Variants in PRDM1 observed in about 807,000 individuals in gnomAD.
The protein encoded by PRDM1 is PR domain zinc finger protein 1.
Under a neutral mutation model 62.8 loss-of-function variants are expected in PRDM1, and 13 were observed. That is an observed-to-expected ratio of 0.21 (90% CI 0.13 to 0.33). The LOEUF (loss-of-function observed/expected upper bound fraction) is 0.33, where lower values mean the gene tolerates loss of function less well. Ranked by LOEUF, PRDM1 falls within the 10% of genes least tolerant of loss-of-function variation. The pLI, the probability that PRDM1 is intolerant of heterozygous loss-of-function variation, is 1.00. For missense variants in PRDM1, 895 were observed against 1,058.8 expected (o/e 0.85, Z 2.15); for synonymous variants, 396 against 417.6 (o/e 0.95, Z 0.63).
intron 1 of PRDM1, among the ~76,000 whole-genome samples, chr6:106,030,531 A>G (rs1008672544): frequency 1.3e-5 from 2 of 151,808 alleles, no homozygotes; most frequent in Middle Eastern, 3.4e-3. Context: ...AGGGAGTCTA[A>G]TGTATTATTC....
At chr6:106,055,361 T>C (rs1426368956) in intron 1 of PRDM1, among the ~76,000 whole-genome samples, 2 of 152,224 alleles carry the variant, frequency 1.3e-5, no homozygotes, top group African/African-American at 4.8e-5. Context: ...TCTTGCATTA[T>C]TATATACATG....
intron 1 of PRDM1, among the ~76,000 whole-genome samples, chr6:106,030,613 G>A (rs552498661): frequency 1.3e-5 from 2 of 152,234 alleles, no homozygotes; most frequent in South Asian, 4.1e-4. Flanking sequence ...CTGAGTCCAA[G>A]GTTGTAAATA....
intron 1 of PRDM1, among the ~76,000 whole-genome samples, chr6:106,079,988 G>A (rs561071635): frequency 1.6e-4 from 24 of 152,312 alleles, no homozygotes; most frequent in Non-Finnish European, 3.2e-4. Context: ...AGATTGAATT[G>A]CAAAGATGAT....
chr6:106,047,401 C>T (rs1005937082), upstream of PRDM1, among the ~76,000 whole-genome samples: 6 of 152,168 alleles, frequency 3.9e-5, no homozygotes, highest in African/African-American at 1.4e-4. Flanking sequence ...TGGGGTAGGT[C>T]TTTGATGGAA....
chr6:106,040,541 G>A (rs2114574907), intron 1 of PRDM1, among the ~76,000 whole-genome samples: 1 of 152,328 alleles, frequency 6.6e-6, no homozygotes, highest in East Asian at 1.9e-4. Context: ...GGCAGCAGCA[G>A]CCGTCTGCAG....
chr6:106,054,673 C>T lies in PRDM1; in HGVS notation c.-67+5959C>T, dbSNP rs1773235049. ...GCTTTAAGAAGATAAGGACCATGTGCATTTTACTTCTTCAGGTAGAACTAA... is the reference window on the plus strand; with the variant it reads ...GCTTTAAGAAGATAAGGACCATGTGTATTTTACTTCTTCAGGTAGAACTAA... On this transcript the variant is annotated intron_variant, in intron 1 of 6. Transcript: ENST00000651185. Among the ~76,000 whole-genome samples, 6 of 152,200 alleles carry T rather than the reference C, an allele frequency of 3.9e-5. No homozygotes were observed. The South Asian group carries it at 1.2e-3, about 31-fold the overall frequency.
intron 1 of PRDM1, among the ~76,000 whole-genome samples, chr6:106,069,814 C>T (rs1284964158): frequency 1.3e-5 from 2 of 152,120 alleles, no homozygotes; most frequent in Non-Finnish European, 2.9e-5. Flanking sequence ...GAGGTTGCTT[C>T]GGTGAGGAGA....
intron 1 of PRDM1, among the ~76,000 whole-genome samples, chr6:106,053,454 A>C (rs915533159): frequency 2.4e-4 from 37 of 152,172 alleles, no homozygotes; most frequent in African/African-American, 8.4e-4. Flanking sequence ...TTTTAAAAAG[A>C]AAAAACACAG....
intron 1 of PRDM1, among the ~76,000 whole-genome samples, chr6:106,032,417 A>G (rs1159152727): frequency 6.6e-6 from 1 of 150,782 alleles, no homozygotes; most frequent in Non-Finnish European, 1.5e-5. Context: ...CACCCTTCTC[A>G]GTCTCCCAAA....
intron 1 of PRDM1, among the ~76,000 whole-genome samples, chr6:106,033,117 A>G (rs777934577): frequency 1.3e-5 from 2 of 151,968 alleles, no homozygotes; most frequent in African/African-American, 2.4e-5. Context: ...TACATAACAT[A>G]AAATTTACCA....
chr6:106,080,151 G>A (rs1478054465), intron 1 of PRDM1, among the ~76,000 whole-genome samples: 1 of 152,190 alleles, frequency 6.6e-6, no homozygotes, highest in African/African-American at 2.4e-5. Context: ...GCTGGTGGTG[G>A]CAGCGTAATT....
intron 1 of PRDM1, among the ~76,000 whole-genome samples, chr6:106,081,154 G>A (rs1773688291): frequency 6.6e-6 from 1 of 152,206 alleles, no homozygotes; most frequent in African/African-American, 2.4e-5. Context: ...TCTCAGGTGG[G>A]TGGAGGTGAA....
At chr6:106,036,926 G>A (rs927930382) in intron 1 of PRDM1, among the ~76,000 whole-genome samples, 1 of 152,162 alleles carries the variant, frequency 6.6e-6, no homozygotes, top group African/African-American at 2.4e-5. Context: ...TGATTTTCCT[G>A]CCTCAGCACT....
intron 1 of PRDM1, among the ~76,000 whole-genome samples, chr6:106,077,240 T>C (rs1223586025): frequency 6.6e-6 from 1 of 152,218 alleles, no homozygotes; most frequent in Non-Finnish European, 1.5e-5. Flanking sequence ...ACCATTTTAA[T>C]TGATTCATTC....
At chr6:106,071,013 G>C (rs559714301) in intron 1 of PRDM1, among the ~76,000 whole-genome samples, 1 of 152,232 alleles carries the variant, frequency 6.6e-6, no homozygotes, top group Non-Finnish European at 1.5e-5. Context: ...GCTCATGCCT[G>C]TAATAGCAGC....
chr6:106,017,424 A>C (rs1437537945), intron 1 of PRDM1, among the ~76,000 whole-genome samples: 1 of 152,016 alleles, frequency 6.6e-6, no homozygotes, highest in Non-Finnish European at 1.5e-5. Context: ...AATAGAAAAC[A>C]CTCTTGCTCT....
chr6:106,019,857 C>T (rs551890468), intron 1 of PRDM1, among the ~76,000 whole-genome samples: 32 of 147,696 alleles, frequency 2.2e-4, no homozygotes, highest in African/African-American at 7.4e-4. Context: ...TCAAGCTGGT[C>T]TCAAACTCCT....
chr6:106,011,906 C>G (rs1772554106), intron 1 of PRDM1, among the ~76,000 whole-genome samples: 1 of 151,400 alleles, frequency 6.6e-6, no homozygotes, highest in African/African-American at 2.4e-5. Context: ...CATTCACACA[C>G]TATACACACA....
At chr6:106,071,285 A>T (rs1330868951) in intron 1 of PRDM1, among the ~76,000 whole-genome samples, 1 of 152,036 alleles carries the variant, frequency 6.6e-6, no homozygotes, top group Non-Finnish European at 1.5e-5. Context: ...AAAAGAATGC[A>T]TCTTATTATG....
Sources: gnomAD v4.1 joint callset for allele counts (sites outside exome capture counted in the v4.1 genomes callset) on GRCh38, gnomAD v4.1.1 for gene constraint, MANE v1.5 for transcripts, NCBI Gene and HGNC (gene_info 2026-07-23, HGNC 2026-07-21) for gene names.